The following CTNNA3 variants were observed in gnomAD, a reference collection of about 807,000 sequenced individuals.
CTNNA3 encodes the protein catenin alpha 3.
CTNNA3 carries 76 observed loss-of-function variants against 95.7 expected under a neutral mutation model. The ratio of observed to expected loss-of-function variants is 0.79; its 90% CI spans 0.66 to 0.96. CTNNA3 has a LOEUF of 0.96. Among genes scored for constraint, CTNNA3 ranks in the 40% least tolerant of loss-of-function variants. CTNNA3 has a pLI of 0.00. For missense variants in CTNNA3, 1,191 were observed against 1,089.8 expected (o/e 1.09, Z -1.31); for synonymous variants, 431 against 374.4 (o/e 1.15, Z -1.74).
At chr10:66,449,328 T>C (rs1012653755) in intron 11 of CTNNA3, among the ~76,000 whole-genome samples, 4 of 152,036 alleles carry the variant, frequency 2.6e-5, no homozygotes, top group East Asian at 1.9e-4. Context: ...GTAATGTATG[T>C]AGATGCCAAC....
chr10:67,002,505 G>T (rs1851746122), intron 7 of CTNNA3, among the ~76,000 whole-genome samples: 2 of 152,026 alleles, frequency 1.3e-5, no homozygotes, highest in African/African-American at 2.4e-5. Context: ...GGTATTTATG[G>T]TTGAGGAGCA....
At chr10:66,162,969 T>G (rs940036378) in intron 13 of CTNNA3, among the ~76,000 whole-genome samples, 6 of 151,966 alleles carry the variant, frequency 3.9e-5, no homozygotes, top group African/African-American at 1.2e-4. Context: ...TGTTGAGTCA[T>G]GCAGGTTGTC....
chr10:66,635,629 T>A (rs532506192), intron 9 of CTNNA3, among the ~76,000 whole-genome samples: 1 of 152,260 alleles, frequency 6.6e-6, no homozygotes, highest in African/African-American at 2.4e-5. Context: ...AGGTGTTGCA[T>A]AGGACAAAGT....
intron 7 of CTNNA3, among the ~76,000 whole-genome samples, chr10:67,104,587 G>A (rs963327688): frequency 5.9e-5 from 9 of 151,758 alleles, no homozygotes; most frequent in African/African-American, 1.2e-4. Context: ...GTAGACTCTC[G>A]ACTCCATTAG....
chr10:65,960,863 A>G (rs150165744), intron 17 of CTNNA3, among the ~76,000 whole-genome samples: 76 of 152,336 alleles, frequency 5.0e-4, no homozygotes, highest in African/African-American at 1.8e-3. Context: ...ATTCTTTTAT[A>G]TGACTGCATA....
In CTNNA3 at chr10:66,775,085, C is replaced by A. The variant is rs540666062; in HGVS notation, c.1128+359G>T. Among the ~76,000 whole-genome samples, 24 of 152,238 alleles carry A rather than the reference C, an allele frequency of 1.6e-4. 1 individual carries two copies. Among genetic ancestry groups the A allele is most frequent in the Middle Eastern group, 3.4e-3 (1 of 294 alleles). ...CCCTAAAAACTTGCTATGGGTCAGG[C>A]ACTTACATGCATTTTATTGATTCCT... On this transcript the variant is annotated intron_variant, in intron 8 of 17. Coordinates refer to ENST00000433211, the MANE Select transcript of CTNNA3 (RefSeq NM_013266.4).
intron 12 of CTNNA3, among the ~76,000 whole-genome samples, chr10:66,342,571 T>C (rs1158796663): frequency 6.6e-6 from 1 of 152,064 alleles, no homozygotes; most frequent in Non-Finnish European, 1.5e-5. Context: ...ATAGAACATA[T>C]GAAATATCAA....
chr10:66,717,214 G>C (rs893535651), intron 9 of CTNNA3, among the ~76,000 whole-genome samples: 1 of 152,020 alleles, frequency 6.6e-6, no homozygotes, highest in Non-Finnish European at 1.5e-5. Context: ...ATAGATTTCA[G>C]ACCTGCCAGC....
chr10:67,170,860 G>T (rs1039881000), intron 7 of CTNNA3, among the ~76,000 whole-genome samples: 1 of 152,088 alleles, frequency 6.6e-6, no homozygotes, highest in South Asian at 2.1e-4. Flanking sequence ...GCCACATGTC[G>T]CTATTGAACA....
At chr10:66,407,206 GAAA>G (rs75023003) in intron 11 of CTNNA3, among the ~76,000 whole-genome samples, 1 of 136,338 alleles carries the variant, frequency 7.3e-6, no homozygotes, top group African/African-American at 2.6e-5. Context: ...GTGCTTAAAA[GAAA>G]AAAAAAAAAA....
At chr10:66,548,777 T>C (rs1369569982) in intron 10 of CTNNA3, among the ~76,000 whole-genome samples, 1 of 152,038 alleles carries the variant, frequency 6.6e-6, no homozygotes, top group Non-Finnish European at 1.5e-5. Context: ...GAAAAATATG[T>C]ATCTTTCTTA....
At chr10:67,475,746 G>A (rs1041564712) in intron 5 of CTNNA3, among the ~76,000 whole-genome samples, 4 of 152,074 alleles carry the variant, frequency 2.6e-5, no homozygotes, top group Non-Finnish European at 5.9e-5. Context: ...TCATTATCAT[G>A]AGTTACTGAA....
chr10:66,145,995 A>G (rs1354726127), intron 13 of CTNNA3, among the ~76,000 whole-genome samples: 4 of 152,060 alleles, frequency 2.6e-5, no homozygotes, highest in Non-Finnish European at 5.9e-5. Context: ...CTGGGACTAT[A>G]GGCACGCGCC....
intron 7 of CTNNA3, among the ~76,000 whole-genome samples, chr10:67,128,586 C>T (rs79564229): frequency 9.1e-4 from 139 of 152,254 alleles, no homozygotes; most frequent in African/African-American, 3.2e-3. Context: ...GTTCCTTTAA[C>T]AGCTTTACCC....
intron 7 of CTNNA3, among the ~76,000 whole-genome samples, chr10:67,102,105 A>T (rs2131946953): frequency 6.6e-6 from 1 of 151,862 alleles, no homozygotes; most frequent in African/African-American, 2.4e-5. Flanking sequence ...TTCATCAAAA[A>T]GTCTCAAGGT....
At chr10:67,658,724 A>G (rs1423951992) in intron 1 of CTNNA3, among the ~76,000 whole-genome samples, 3 of 152,226 alleles carry the variant, frequency 2.0e-5, no homozygotes, top group Non-Finnish European at 4.4e-5. Context: ...GGTTAGGGCT[A>G]CAACTGTTAG....
chr10:67,199,879 T>C (rs1863561600), intron 6 of CTNNA3, among the ~76,000 whole-genome samples: 1 of 151,684 alleles, frequency 6.6e-6, no homozygotes, highest in South Asian at 2.1e-4. Context: ...AATTTAACAA[T>C]ACATAATTCC....
intron 7 of CTNNA3, among the ~76,000 whole-genome samples, chr10:67,040,234 G>T (rs1395735099): frequency 6.6e-6 from 1 of 152,182 alleles, no homozygotes; most frequent in Non-Finnish European, 1.5e-5. Flanking sequence ...CTTGACATTT[G>T]CTCGGTCTAC....
At chr10:67,312,805 T>G (rs766680743) in intron 5 of CTNNA3, among the ~76,000 whole-genome samples, 3 of 152,198 alleles carry the variant, frequency 2.0e-5, no homozygotes, top group Non-Finnish European at 4.4e-5. Context: ...GCCTGAATCA[T>G]GGAGGGTTTT....
Sources: gnomAD v4.1 joint callset for allele counts (sites outside exome capture counted in the v4.1 genomes callset) on GRCh38, gnomAD v4.1.1 for gene constraint, MANE v1.5 for transcripts, NCBI Gene and HGNC (gene_info 2026-07-23, HGNC 2026-07-21) for gene names.